RBFOX1: variants seen among roughly 807,000 people sequenced by gnomAD.
RBFOX1 encodes the protein RNA binding fox-1 homolog 1, also known as RNA binding protein fox-1 homolog 1.
Under a neutral mutation model 57.7 loss-of-function variants are expected in RBFOX1, and 8 were observed. That is an observed-to-expected ratio of 0.14 (90% CI 0.08 to 0.25). RBFOX1 has a LOEUF of 0.25. Among genes scored for constraint, RBFOX1 ranks in the 10% least tolerant of loss-of-function variants. The pLI is 1.00. For synonymous variants in RBFOX1, 326 were observed against 222.4 expected (o/e 1.47, Z -4.15); for missense variants, 611 against 548.5 (o/e 1.11, Z -1.14).
In RBFOX1 at chr16:7,694,949, T is replaced by A. The variant is rs532077812; in HGVS notation, c.996-14107T>A. On this transcript the variant is annotated intron_variant, in intron 14 of 15. Coordinates refer to ENST00000550418, the MANE Select transcript of RBFOX1 (RefSeq NM_018723.4). ...TTAGGTTATATTTGGACATCTTAGA[T>A]CAAACATGAAAAAGATATTGATTTT... Among the ~76,000 whole-genome samples the A allele has an allele frequency of 2.0e-5, 3 of 152,144 alleles. No homozygotes were observed. The South Asian group carries it at 6.2e-4, about 32-fold the overall frequency.
chr16:7,298,583 T>C (rs969418090), intron 4 of RBFOX1, among the ~76,000 whole-genome samples: 1 of 152,186 alleles, frequency 6.6e-6, no homozygotes, highest in Non-Finnish European at 1.5e-5. Flanking sequence ...TGAGCCAACA[T>C]GCCCAGCCCA....
At chr16:5,927,830 G>A (rs574301401) in intron 4 of RBFOX1, among the ~76,000 whole-genome samples, 10 of 152,162 alleles carry the variant, frequency 6.6e-5, no homozygotes, top group Non-Finnish European at 1.0e-4. Flanking sequence ...CTTATGCTAA[G>A]TGAAATAAGC....
At chr16:6,293,084 C>T (rs1335813235) in intron 1 of RBFOX1, among the ~76,000 whole-genome samples, 3 of 152,092 alleles carry the variant, frequency 2.0e-5, no homozygotes, top group Non-Finnish European at 4.4e-5. Context: ...TAGCCACACT[C>T]AGATAGTAGT....
intron 1 of RBFOX1, among the ~76,000 whole-genome samples, chr16:5,248,899 A>G (rs1484946959): frequency 7.0e-6 from 1 of 143,288 alleles, no homozygotes; most frequent in Non-Finnish European, 1.5e-5. Flanking sequence ...GAGCCACGTG[A>G]ATTGCTTGAA....
At chr16:5,521,457 A>T (rs929916694) in intron 2 of RBFOX1, among the ~76,000 whole-genome samples, 3 of 152,108 alleles carry the variant, frequency 2.0e-5, no homozygotes, top group Non-Finnish European at 4.4e-5. Flanking sequence ...TGTGGCACAT[A>T]TCTCTTTGTA....
At chr16:6,515,231 T>C (rs1297339123) in intron 2 of RBFOX1, among the ~76,000 whole-genome samples, 1 of 152,218 alleles carries the variant, frequency 6.6e-6, no homozygotes, top group Non-Finnish European at 1.5e-5. Flanking sequence ...ACTTTCTAGA[T>C]AAGGATGCTG....
chr16:7,615,620 C>A (rs1214110988), intron 10 of RBFOX1, among the ~76,000 whole-genome samples: 1 of 152,064 alleles, frequency 6.6e-6, no homozygotes, highest in Non-Finnish European at 1.5e-5. Context: ...TTTAGTTAAC[C>A]CAAGTCCTAG....
chr16:7,299,051 T>C (rs1168119768), intron 4 of RBFOX1, among the ~76,000 whole-genome samples: 2 of 152,204 alleles, frequency 1.3e-5, no homozygotes, highest in Non-Finnish European at 2.9e-5. Context: ...AGGACAGATA[T>C]CTAGAATTAG....
intron 4 of RBFOX1, among the ~76,000 whole-genome samples, chr16:7,262,800 C>G (rs1390116085): frequency 1.3e-5 from 2 of 152,232 alleles, no homozygotes; most frequent in Admixed American, 1.3e-4. Flanking sequence ...GAATCCAATT[C>G]TTTTTCTAAG....
At chr16:6,485,921 T>G (rs1439442212) in intron 2 of RBFOX1, among the ~76,000 whole-genome samples, 4 of 152,094 alleles carry the variant, frequency 2.6e-5, no homozygotes, top group Non-Finnish European at 5.9e-5. Flanking sequence ...TGCTGACTTA[T>G]GGGCCAGGTA....
At chr16:7,683,944 C>G (rs140539467) in intron 14 of RBFOX1, among the ~76,000 whole-genome samples, 3 of 152,090 alleles carry the variant, frequency 2.0e-5, no homozygotes, top group East Asian at 3.9e-4. Context: ...AATTAAACCG[C>G]TCCACTTTGT....
intron 2 of RBFOX1, among the ~76,000 whole-genome samples, chr16:6,357,225 C>A (rs758609005): frequency 1.3e-5 from 2 of 152,046 alleles, no homozygotes; most frequent in Non-Finnish European, 2.9e-5. Flanking sequence ...GGAAAATGAG[C>A]CTTCGTGCTA....
At chr16:7,441,156 C>G (rs1425621425) in intron 4 of RBFOX1, among the ~76,000 whole-genome samples, 1 of 152,182 alleles carries the variant, frequency 6.6e-6, no homozygotes, top group Non-Finnish European at 1.5e-5. Context: ...CCAGGGTTCT[C>G]CTGCTCACCA....
chr16:5,952,650 G>C (rs565571735), intron 4 of RBFOX1, among the ~76,000 whole-genome samples: 1 of 152,298 alleles, frequency 6.6e-6, no homozygotes, highest in South Asian at 2.1e-4. Flanking sequence ...CGATAGTGAT[G>C]GGTGTAGCTG....
intron 2 of RBFOX1, among the ~76,000 whole-genome samples, chr16:6,535,329 T>C (rs1267620194): frequency 2.0e-5 from 3 of 152,194 alleles, no homozygotes; most frequent in South Asian, 2.1e-4. Flanking sequence ...GAGATTTACT[T>C]TGAAGCTCCT....
chr16:7,146,661 C>T (rs1021515171), intron 4 of RBFOX1, among the ~76,000 whole-genome samples: 3 of 151,982 alleles, frequency 2.0e-5, no homozygotes, highest in African/African-American at 2.4e-5. Context: ...GTAAAAATAA[C>T]AATGCGGCTG....
At chr16:6,340,864 C>G (rs2084464513) in intron 2 of RBFOX1, among the ~76,000 whole-genome samples, 2 of 152,072 alleles carry the variant, frequency 1.3e-5, no homozygotes, top group East Asian at 1.9e-4. Context: ...GCCTTTGACA[C>G]AAGAGTGAGC....
At chr16:7,612,266 A>C (rs1290286503) in intron 10 of RBFOX1, among the ~76,000 whole-genome samples, 2 of 142,438 alleles carry the variant, frequency 1.4e-5, no homozygotes, top group Non-Finnish European at 1.5e-5. Flanking sequence ...GCTTGCAGTG[A>C]GCCCAGATCG....
chr16:7,120,981 C>T (rs1010523772), intron 4 of RBFOX1, among the ~76,000 whole-genome samples: 10 of 151,628 alleles, frequency 6.6e-5, no homozygotes, highest in African/African-American at 2.4e-4. Flanking sequence ...ATGTTATGTA[C>T]CATATTAACA....
Sources: allele counts gnomAD v4.1 joint callset (sites outside exome capture counted in the v4.1 genomes callset), GRCh38; gene constraint gnomAD v4.1.1; transcripts MANE v1.5; gene names NCBI Gene and HGNC (gene_info 2026-07-23, HGNC 2026-07-21).